Variants in CHLSN observed in about 807,000 individuals in gnomAD.
CHLSN encodes the protein cholesin.
the CHLSN span, among the ~76,000 whole-genome samples, chr7:1,044,077 G>A: frequency 6.6e-6 from 1 of 152,214 alleles, no homozygotes; most frequent in Non-Finnish European, 1.5e-5. Flanking sequence ...CGTTTACAAA[G>A]AAAATCCTAA....
the CHLSN span, among the ~76,000 whole-genome samples, chr7:1,049,267 G>C: frequency 1.3e-5 from 2 of 152,250 alleles, no homozygotes; most frequent in Non-Finnish European, 2.9e-5. Flanking sequence ...AGCTTCCTCT[G>C]CCCTTTATAT....
the CHLSN span, among the ~76,000 whole-genome samples, chr7:1,041,825 A>C: frequency 3.3e-5 from 5 of 149,944 alleles, no homozygotes; most frequent in South Asian, 1.1e-3. Flanking sequence ...GCCCACGTGC[A>C]GACAGACCCA....
At chr7:1,120,282 A>G in the CHLSN span, among the ~76,000 whole-genome samples, 24 of 152,122 alleles carry the variant, frequency 1.6e-4, no homozygotes, top group African/African-American at 5.8e-4. Context: ...CAGGACCCTC[A>G]TGCTTCTTTT....
chr7:1,052,934 C>A, the CHLSN span, among the ~76,000 whole-genome samples: 1 of 152,290 alleles, frequency 6.6e-6, no homozygotes, highest in East Asian at 1.9e-4. This position sits in a 1 kb window ranked among gnomAD's most constrained non-coding sequence, Gnocchi z 4.2. Flanking sequence ...AAAGAGCCCA[C>A]TTCTGAAGAG....
chr7:1,114,497 G>C, the CHLSN span, among the ~76,000 whole-genome samples: 1 of 152,242 alleles, frequency 6.6e-6, no homozygotes, highest in Non-Finnish European at 1.5e-5. Context: ...TCAAGTCCCC[G>C]GCAGCCTCTG....
At chr7:1,010,181 G>A in the CHLSN span, 4 of 1,572,846 alleles carry the variant, frequency 2.5e-6, no homozygotes, top group Admixed American at 1.8e-5. Flanking sequence ...CGGGGATGGA[G>A]GGTATCCAGA....
the CHLSN span, among the ~76,000 whole-genome samples, chr7:1,097,140 G>A: frequency 2.0e-5 from 3 of 152,196 alleles, no homozygotes; most frequent in Non-Finnish European, 4.4e-5. The surrounding 1 kb of genome is among the most constrained non-coding windows in gnomAD (Gnocchi z 4.3). Flanking sequence ...ACGCGAGTAC[G>A]TTTGAACACT....
the CHLSN span, chr7:1,138,002 A>G: frequency 3.7e-5 from 1 of 26,866 alleles, no homozygotes; most frequent in Non-Finnish European, 6.5e-5. Flanking sequence ...GCCGGGACGC[A>G]CCGGCCGCAC....
At chr7:1,061,080 T>TGG in the CHLSN span, among the ~76,000 whole-genome samples, 1 of 152,128 alleles carries the variant, frequency 6.6e-6, no homozygotes, top group South Asian at 2.1e-4. Flanking sequence ...CAGGTGAGGG[T>TGG]GGCACTGGGC....
the CHLSN span, among the ~76,000 whole-genome samples, chr7:1,113,874 C>T: frequency 6.6e-6 from 1 of 152,220 alleles, no homozygotes; most frequent in East Asian, 1.9e-4. Flanking sequence ...GCCTGGACGG[C>T]AGGAGGCCAC....
chr7:1,055,767 G>A, the CHLSN span, among the ~76,000 whole-genome samples: 2 of 152,132 alleles, frequency 1.3e-5, no homozygotes, highest in African/African-American at 4.8e-5. Flanking sequence ...GGCACACAGT[G>A]AGACAGCCCT....
chr7:1,011,798 C>T, the CHLSN span, among the ~76,000 whole-genome samples: 10 of 152,220 alleles, frequency 6.6e-5, no homozygotes, highest in African/African-American at 1.7e-4. Context: ...GCCAGGGGTC[C>T]GCAGCAAGAG....
the CHLSN span, among the ~76,000 whole-genome samples, chr7:979,412 C>A: frequency 6.6e-6 from 1 of 152,050 alleles, no homozygotes; most frequent in Admixed American, 6.6e-5. Flanking sequence ...ATCTTATGTG[C>A]AGGAGGAGAC....
chr7:1,065,373 C>T, the CHLSN span, among the ~76,000 whole-genome samples: 6 of 152,366 alleles, frequency 3.9e-5, no homozygotes, highest in South Asian at 2.1e-4. Flanking sequence ...CAAATGTTCA[C>T]GGCAGCTTTG....
the CHLSN span, among the ~76,000 whole-genome samples, chr7:1,104,332 G>C: frequency 6.6e-6 from 1 of 152,224 alleles, no homozygotes; most frequent in Non-Finnish European, 1.5e-5. Flanking sequence ...CCAGGACTTC[G>C]AGGCTGCAGT....
chr7:1,014,163 C>G, the CHLSN span, among the ~76,000 whole-genome samples: 2,453 of 152,332 alleles, frequency 0.016, 52 homozygotes, highest in African/African-American at 0.055. Flanking sequence ...AACAAATACA[C>G]TGAAAACAAA....
At chr7:1,014,929 G>A in the CHLSN span, among the ~76,000 whole-genome samples, 3 of 152,218 alleles carry the variant, frequency 2.0e-5, no homozygotes, top group Non-Finnish European at 4.4e-5. Flanking sequence ...CTGCAGGGAC[G>A]GTGCAGTGAG....
At chr7:1,055,148 T>G in the CHLSN span, 2 of 436,378 alleles carry the variant, frequency 4.6e-6, no homozygotes, top group African/African-American at 4.1e-5. Context: ...AGAGGCCAGC[T>G]GTGCTCAGTT....
chr7:998,457 C>CTTTTTT, the CHLSN span, among the ~76,000 whole-genome samples: 58 of 95,016 alleles, frequency 6.1e-4, no homozygotes, highest in Non-Finnish European at 8.0e-4. Context: ...GTCTTAGATT[C>CTTTTTT]TTTTTTTTTT....
Sources: allele counts gnomAD v4.1 joint callset (sites outside exome capture counted in the v4.1 genomes callset), GRCh38; gene constraint gnomAD v4.1.1; non-coding constraint Gnocchi (gnomAD v3.1); transcripts MANE v1.5; gene names NCBI Gene and HGNC (gene_info 2026-07-23, HGNC 2026-07-21).